Variants in CACYBP observed in about 807,000 individuals in gnomAD.
CACYBP encodes the protein calcyclin-binding protein.
A neutral mutation model predicts 29.6 loss-of-function variants in CACYBP; 11 were observed. The observed-to-expected ratio is 0.37, with a 90% CI of 0.23 to 0.61. CACYBP has a LOEUF of 0.61. CACYBP is among the 20% of genes least tolerant of loss of function. The pLI is 0.65. For synonymous variants in CACYBP, 73 were observed against 88.3 expected, an observed-to-expected ratio of 0.83 and a Z score of 0.97; for missense variants, 163 against 260.7, an observed-to-expected ratio of 0.63 and a Z score of 2.58.
chr1:175,000,632 T>G lies in CACYBP; in HGVS notation c.15+437T>G, dbSNP rs984669519. 7.2e-5 allele frequency: 74 copies of G among 1,028,156 alleles called. No individual in the cohort carries two copies. The African/African-American group carries it at 1.1e-3, about 16-fold the overall frequency. The allele number at this position is 1,028,156 out of a possible 1,614,324, so 63.7% of individuals were successfully genotyped here. On this transcript the variant is annotated intron_variant, in intron 1 of 5. Transcript: ENST00000367679. ...CTCAGTGCTAGCACTTGAATTCTCC[T>G]AGTCAGGTTTTCTCTACACACGAGG...
chr1:175,003,665 C>T (rs1045582114), intron 1 of CACYBP, among the ~76,000 whole-genome samples: 1 of 151,836 alleles, frequency 6.6e-6, no homozygotes, highest in Admixed American at 6.6e-5. Flanking sequence ...TTTTTTTGGT[C>T]AAGTTGGTAG....
At chr1:175,009,707 T>C (rs539044419) in intron 5 of CACYBP, among the ~76,000 whole-genome samples, 2 of 151,946 alleles carry the variant, frequency 1.3e-5, no homozygotes, top group Non-Finnish European at 2.9e-5. Context: ...CCTAACTATT[T>C]TGATGACCTC....
intron 2 of CACYBP, among the ~76,000 whole-genome samples, chr1:175,005,458 G>C (rs1200334516): frequency 1.3e-5 from 2 of 152,178 alleles, no homozygotes; most frequent in African/African-American, 4.8e-5. Context: ...ATAATGTCTA[G>C]CACATAATAG....
intron 2 of CACYBP, among the ~76,000 whole-genome samples, chr1:175,005,690 G>A (rs1220205822): frequency 6.6e-6 from 1 of 152,178 alleles, no homozygotes; most frequent in East Asian, 1.9e-4. Context: ...TAGTAATATA[G>A]GAAATTGCAC....
chr1:175,008,121 C>T (rs904828384), intron 4 of CACYBP, among the ~76,000 whole-genome samples: 4 of 152,104 alleles, frequency 2.6e-5, no homozygotes, highest in African/African-American at 9.7e-5. Flanking sequence ...TTTCAAATGC[C>T]TCACCTTGCC....
At chr1:175,003,752 T>A (rs1258797031) in intron 1 of CACYBP, among the ~76,000 whole-genome samples, 1 of 152,206 alleles carries the variant, frequency 6.6e-6, no homozygotes, top group Non-Finnish European at 1.5e-5. Flanking sequence ...TTGCAGTATG[T>A]CAGAGGGTAA....
chr1:175,000,252 C>T (rs1672436165), intron 1 of CACYBP, 57 bp downstream of exon 1: 4 of 1,557,866 alleles, frequency 2.6e-6, no homozygotes, highest in African/African-American at 1.4e-5. Flanking sequence ...CAGCGCCAGC[C>T]TCCCGCCCTA....
chr1:175,006,898 T>C (rs1400914307), intron 3 of CACYBP, 57 bp downstream of exon 3: 1 of 994,074 alleles, frequency 1.0e-6, no homozygotes, highest in South Asian at 1.3e-5. Context: ...TTGCCTTATC[T>C]TGAGACTCTC....
intron 2 of CACYBP, among the ~76,000 whole-genome samples, chr1:175,005,588 G>A (rs1672601531): frequency 6.6e-6 from 1 of 152,176 alleles, no homozygotes; most frequent in African/African-American, 2.4e-5. Context: ...CATGAGCAGA[G>A]AATGTGAATA....
upstream of CACYBP, chr1:174,999,894 G>A (rs910446888): frequency 5.7e-6 from 3 of 529,362 alleles, no homozygotes; most frequent in East Asian, 3.6e-5. Context: ...GCGGGGCGGG[G>A]AGGGGTGGGG....
rs150031571 is a variant in CACYBP at position 175,008,690 on chromosome 1, G to A, written c.514G>A (p.Glu172Lys). 758 of 1,548,816 alleles carry A rather than the reference G, an allele frequency of 4.9e-4. 7 individuals carry two copies. The highest frequency in any genetic ancestry group is 4.8e-4 in the Non-Finnish European group (540 of 1,120,578). The change falls in exon 5 of 6, where the codon GAG becomes AAG. Residue 172 changes from glutamate to lysine, a missense_variant. Physicochemically the swap from Glu to Lys is moderately conservative, Grantham distance 56 (BLOSUM62 1). Coordinates refer to ENST00000367679, the MANE Select transcript of CACYBP (RefSeq NM_014412.3). ...GGATTACCTGACCCAGGTTGAAAAG[G>A]AGTGCAAAGAAAAAGAGTGAGTCTA... ...RWDYLTQVEK[E>K]CKEKEKPSYD...
At chr1:175,000,236 G>A (rs1273057188) in intron 1 of CACYBP, 41 bp downstream of exon 1, 10 of 1,578,268 alleles carry the variant, frequency 6.3e-6, no homozygotes, top group Non-Finnish European at 8.6e-6. Flanking sequence ...CCCCCGGCTG[G>A]AGCTGCAGCG....
Position 175,006,780 on chromosome 1 carries a change from A to G in CACYBP, c.271A>G (p.Ile91Val). Residue 91 changes from isoleucine to valine, a missense_variant, in exon 3 of 6, where the codon ATT becomes GTT. By Grantham distance (29) the Ile-to-Val change is conservative. Coordinates refer to ENST00000367679, the MANE Select transcript of CACYBP (RefSeq NM_014412.3). The part of the protein sequence containing the change: ...DQSDKFVKIY[I>V]TLTGVHQVPT... ...GTCAGATAAGTTTGTGAAAATCTAC[A>G]TTACCTTAACTGGAGTTCATCAAGT... 1.2e-6 allele frequency: 2 copies of G among 1,606,124 alleles called. No homozygotes were observed. Among genetic ancestry groups the G allele is most frequent in the Admixed American group, 3.3e-5 (2 of 59,990 alleles).
At chr1:175,000,315 C>A in intron 1 of CACYBP, 120 bp downstream of exon 1, 2 of 1,488,870 alleles carry the variant, frequency 1.3e-6, no homozygotes, top group Non-Finnish European at 1.8e-6. Flanking sequence ...CCGCGCCAGT[C>A]AGTGCGCCGC....
chr1:175,000,361 C>T, intron 1 of CACYBP, 166 bp downstream of exon 1: 3 of 1,429,012 alleles, frequency 2.1e-6, no homozygotes, highest in Admixed American at 5.9e-5. Flanking sequence ...CCTTGCTGCG[C>T]CGTCGGCTCC....
At chr1:175,007,700 C>T (rs1447619680) in intron 4 of CACYBP, among the ~76,000 whole-genome samples, 1 of 152,148 alleles carries the variant, frequency 6.6e-6, no homozygotes, top group Non-Finnish European at 1.5e-5. Flanking sequence ...AAGTGCAATA[C>T]CATTATGTAA....
At chr1:175,007,308 C>A in intron 4 of CACYBP, 111 bp downstream of exon 4, 1 of 654,936 alleles carries the variant, frequency 1.5e-6, no homozygotes, top group Non-Finnish European at 2.7e-6. Context: ...CAGGGACCAC[C>A]GCCTGTTTTG....
intron 2 of CACYBP, among the ~76,000 whole-genome samples, chr1:175,005,727 T>C (rs995044347): frequency 6.6e-6 from 1 of 152,200 alleles, no homozygotes; most frequent in Non-Finnish European, 1.5e-5. Context: ...TATAGGAAAC[T>C]GGTCTGAAGG....
Position 175,010,247 on chromosome 1 carries a change from A to T in CACYBP, c.*168A>T, listed in dbSNP as rs563817162. The T allele has an allele frequency of 1.8e-6, 1 of 560,812 alleles. No homozygotes were observed. The highest frequency in any genetic ancestry group is 3.0e-5 in the East Asian group (1 of 33,182). The allele number at this position is 560,812 out of a possible 1,614,324, so 34.7% of individuals were successfully genotyped here. ...TCCTACTGGAGGATTTATTTAAATA[A>T]AATATGCTTATTAAACACTCCTGCA... On this transcript the variant is annotated 3_prime_UTR_variant, in exon 6 of 6. Coordinates refer to ENST00000367679, the MANE Select transcript of CACYBP (RefSeq NM_014412.3).
Sources: gnomAD v4.1 joint callset for allele counts (sites outside exome capture counted in the v4.1 genomes callset) on GRCh38, gnomAD v4.1.1 for gene constraint, MANE v1.5 for transcripts, NCBI Gene and HGNC (gene_info 2026-07-23, HGNC 2026-07-21) for gene names.